Variants in EFR3A observed in about 807,000 individuals in gnomAD.
The protein encoded by EFR3A is EFR3 homolog A, also known as protein EFR3 homolog A.
Under a neutral mutation model 104.4 loss-of-function variants are expected in EFR3A, and 76 were observed. The ratio of observed to expected loss-of-function variants is 0.73; its 90% CI spans 0.60 to 0.88. The LOEUF (loss-of-function observed/expected upper bound fraction) is 0.88. Ranked by LOEUF, EFR3A falls within the 40% of genes least tolerant of loss-of-function variation. The pLI is 0.00. For synonymous variants in EFR3A, 330 were observed against 330.0 expected, an observed-to-expected ratio of 1.00 and a Z score of 0.00; for missense variants, 985 against 1,012.5, an observed-to-expected ratio of 0.97 and a Z score of 0.37.
chr8:132,000,408 G>A (rs56050350), intron 19 of EFR3A, among the ~76,000 whole-genome samples: 1,753 of 152,288 alleles, frequency 0.012, 11 homozygotes, highest in Middle Eastern at 0.034. Context: ...GATTACAGGC[G>A]TGAGCCACTG....
chr8:132,010,790 T>C lies in EFR3A; in HGVS notation c.2361T>C (p.Arg787=). 6.2e-7 allele frequency: 1 copy of C among 1,611,688 alleles called. No homozygotes were observed. The highest frequency in any genetic ancestry group is 8.5e-7 in the Non-Finnish European group (1 of 1,178,364). ...ACAATGTATTTTTGTTCTTTTATAG[T>C]CCTCCTCCCAGTCCATCAGGAACAC... The part of the protein sequence containing the change: ...RLAQILELTI[R]PPPSPSGTLT... The change falls in exon 23 of 23, where the codon CGT becomes CGC. Residue 787 remains arginine, a splice_region_variant and synonymous_variant. Transcript: ENST00000254624.
chr8:131,971,273 A>G (rs1032494285), intron 10 of EFR3A, among the ~76,000 whole-genome samples: 3 of 152,116 alleles, frequency 2.0e-5, no homozygotes, highest in Non-Finnish European at 4.4e-5. Flanking sequence ...TTTAGTTGTA[A>G]TATTTCTTTA....
At chr8:131,976,214 A>C in intron 11 of EFR3A, 73 bp downstream of exon 11, 1 of 1,016,370 alleles carries the variant, frequency 9.8e-7, no homozygotes, top group Non-Finnish European at 1.5e-6. Flanking sequence ...AGAAAATGTT[A>C]ACGTTTTGTT....
At chr8:131,953,666 G>C (rs1818821033) in intron 5 of EFR3A, among the ~76,000 whole-genome samples, 152 bp from the exon 6 acceptor site, 2 of 151,962 alleles carry the variant, frequency 1.3e-5, no homozygotes, top group South Asian at 2.1e-4. Context: ...AAATTTTTGA[G>C]ATTTACTTTC....
At chr8:131,905,669 C>A (rs775487970) in intron 1 of EFR3A, among the ~76,000 whole-genome samples, 4 of 152,192 alleles carry the variant, frequency 2.6e-5, no homozygotes, top group Non-Finnish European at 5.9e-5. Flanking sequence ...GGAGGAATAT[C>A]ATTTACAATC....
In EFR3A at chr8:131,925,841, A is replaced by G. The variant is rs190952227; in HGVS notation, c.11-14658A>G. On this transcript the variant is annotated intron_variant, in intron 1 of 22. Coordinates refer to ENST00000254624, the MANE Select transcript of EFR3A (RefSeq NM_015137.6). ...TGTTTTCCTTCACAGTTGTTAAAAT[A>G]ATTATCCCCCTCCCAAATTTTGCTA... Among the ~76,000 whole-genome samples, 880 of 152,280 alleles carry G rather than the reference A, an allele frequency of 5.8e-3. 6 individuals carry two copies. The highest frequency in any genetic ancestry group is 0.01 in the Non-Finnish European group (684 of 68,008).
intron 10 of EFR3A, among the ~76,000 whole-genome samples, chr8:131,975,410 CTATTTTTTTTTTT>C (rs1008948420): frequency 6.9e-4 from 71 of 102,184 alleles, no homozygotes; most frequent in Non-Finnish European, 9.5e-4. Flanking sequence ...TTTTTTTTTC[CTATTTTTTTTTTT>C]TTTTTTTTTG....
intron 8 of EFR3A, among the ~76,000 whole-genome samples, chr8:131,960,796 C>A (rs1016162197): frequency 3.3e-5 from 5 of 152,096 alleles, no homozygotes; most frequent in African/African-American, 1.2e-4. Flanking sequence ...AAATTTATTT[C>A]TTGAGGGTAA....
chr8:131,926,022 G>A (rs915115553), intron 1 of EFR3A, among the ~76,000 whole-genome samples: 2 of 151,910 alleles, frequency 1.3e-5, no homozygotes, highest in African/African-American at 2.4e-5. Flanking sequence ...CAAGGCTAAA[G>A]CCAGATCAGT....
intron 1 of EFR3A, among the ~76,000 whole-genome samples, chr8:131,933,557 C>T (rs1283773417): frequency 6.6e-6 from 1 of 151,838 alleles, no homozygotes; most frequent in Admixed American, 6.6e-5. Flanking sequence ...TAATATTTTC[C>T]AAAAGCTGGG....
At chr8:131,973,430 G>A (rs757380532) in intron 10 of EFR3A, among the ~76,000 whole-genome samples, 20 of 151,914 alleles carry the variant, frequency 1.3e-4, no homozygotes, top group Non-Finnish European at 2.5e-4. Context: ...AATATTTAAT[G>A]TATTGTTTCT....
intron 14 of EFR3A, among the ~76,000 whole-genome samples, chr8:131,983,611 G>A (rs773610229): frequency 3.9e-5 from 6 of 152,016 alleles, no homozygotes; most frequent in Non-Finnish European, 8.8e-5. Context: ...CCTCTTCTCT[G>A]TTAATAGGCT....
At chr8:132,010,405 GAGATATATATATATATATATATATATAT>G (rs1383234601) in intron 22 of EFR3A, among the ~76,000 whole-genome samples, 15 of 88,010 alleles carry the variant, frequency 1.7e-4, no homozygotes, top group African/African-American at 3.8e-4. Context: ...AATCAAGTAT[GAGATATATATATATATATATATATATAT>G]ATATATATAT....
intron 1 of EFR3A, among the ~76,000 whole-genome samples, chr8:131,935,166 TG>T (rs1207118538): frequency 2.0e-5 from 3 of 152,190 alleles, no homozygotes; most frequent in Non-Finnish European, 4.4e-5. Flanking sequence ...ATCTGTTTGT[TG>T]GAAAAATCAT....
intron 18 of EFR3A, among the ~76,000 whole-genome samples, chr8:131,995,028 T>C (rs926510629): frequency 3.9e-5 from 6 of 151,984 alleles, no homozygotes; most frequent in African/African-American, 1.4e-4. Flanking sequence ...AAAGGAAAAA[T>C]TGGAACTATG....
chr8:131,979,506 T>A, intron 14 of EFR3A, 85 bp downstream of exon 14: 1 of 963,476 alleles, frequency 1.0e-6, no homozygotes, highest in Non-Finnish European at 1.6e-6. Context: ...ATCTGTGCCC[T>A]TGAAATTAAG....
rs779181081 is a variant in EFR3A, at chr8:131,996,489, G to A, written c.2149G>A (p.Asp717Asn). 15 of 1,591,692 alleles carry A rather than the reference G, an allele frequency of 9.4e-6. No individual in the cohort carries two copies. Among genetic ancestry groups the A allele is most frequent in the Non-Finnish European group, 1.3e-5 (15 of 1,169,506 alleles). The change falls in exon 19 of 23, where the codon GAT (aspartate) becomes AAT (asparagine). Residue 717 changes from aspartate (D) to asparagine (N), a missense_variant. Physicochemically the swap from Asp to Asn is conservative, Grantham distance 23. Coordinates refer to ENST00000254624, the MANE Select transcript of EFR3A (RefSeq NM_015137.6). ...TATTTTATCCAACAATGTTCCTTCT[G>A]ATGATGTGGTAAGTTACTGAAAGTT... ...VDILSNNVPS[D>N]DVVSNTEEIT...
At position 132,002,606 on chromosome 8, in the gene EFR3A, C is replaced by T; in HGVS notation, c.2210C>T (p.Thr737Ile). 6.2e-7 allele frequency: 1 copy of T among 1,610,068 alleles called. No homozygotes were observed. Among genetic ancestry groups the T allele is most frequent in the Non-Finnish European group, 8.5e-7 (1 of 1,176,684 alleles). ...GTCTTTATAAATATTTGTATAGATACCAGTGGAATGGAAGAACAGGAAAAG... is the reference window on the plus strand; with the variant it reads ...GTCTTTATAAATATTTGTATAGATATCAGTGGAATGGAAGAACAGGAAAAG... ...TFEALKKAID[T>I]SGMEEQEKEK... The change falls in exon 21 of 23, where the codon ACC (threonine) becomes ATC (isoleucine). Residue 737 changes from threonine (T) to isoleucine (I), a missense_variant. Coordinates refer to ENST00000254624, the MANE Select transcript of EFR3A (RefSeq NM_015137.6).
intron 1 of EFR3A, among the ~76,000 whole-genome samples, chr8:131,931,319 A>T (rs1005632398): frequency 2.6e-5 from 4 of 152,142 alleles, no homozygotes; most frequent in Non-Finnish European, 4.4e-5. Flanking sequence ...GTAAGAGAAG[A>T]TTTTTATGAA....
Sources: gnomAD v4.1 joint callset for allele counts (sites outside exome capture counted in the v4.1 genomes callset) on GRCh38, gnomAD v4.1.1 for gene constraint, MANE v1.5 for transcripts, NCBI Gene and HGNC (gene_info 2026-07-23, HGNC 2026-07-21) for gene names.